CRPPA: variants seen among roughly 807,000 people sequenced by gnomAD.
CRPPA encodes D-ribitol-5-phosphate cytidylyltransferase.
CRPPA carries 43 observed loss-of-function variants against 52.0 expected under a neutral mutation model. That is an observed-to-expected ratio of 0.83 (90% CI 0.65 to 1.07). CRPPA has a LOEUF of 1.07. Ranked by LOEUF, CRPPA falls within the 50% of genes least tolerant of loss-of-function variation. The probability of loss-of-function intolerance (pLI) is 0.00; values close to 1 mark genes in which losing one functional copy is unlikely to be tolerated. For missense variants in CRPPA, 629 were observed against 551.7 expected (o/e 1.14, Z -1.40); for synonymous variants, 250 against 203.5 (o/e 1.23, Z -1.94).
intron 9 of CRPPA, among the ~76,000 whole-genome samples, chr7:16,151,198 G>A (rs1783070152): frequency 6.6e-6 from 1 of 152,246 alleles, no homozygotes; most frequent in South Asian, 2.1e-4. Context: ...ATGAGTCAAA[G>A]ATAATAAATC....
In CRPPA at chr7:16,095,631, G is replaced by A. The variant is rs568881817; in HGVS notation, c.1252-3832C>T. ...TGCATGTCTATAATCCTTGAAAGAA[G>A]AGCCTCCTAACATTCTCCCCAGCTG... On this transcript the variant is annotated intron_variant, in intron 9 of 9. Transcript: ENST00000407010. Among the ~76,000 whole-genome samples the A allele has an allele frequency of 7.2e-5, 11 of 152,224 alleles. No individual in the cohort carries two copies. The South Asian group carries it at 2.3e-3, about 32-fold the overall frequency.
chr7:16,190,427 G>T (rs1781584579), intron 9 of CRPPA, among the ~76,000 whole-genome samples: 1 of 152,146 alleles, frequency 6.6e-6, no homozygotes, highest in Non-Finnish European at 1.5e-5. Context: ...GTTACAAAAT[G>T]AAAAGAGTAA....
At chr7:16,173,738 T>C (rs1009502030) in intron 9 of CRPPA, among the ~76,000 whole-genome samples, 6 of 152,078 alleles carry the variant, frequency 3.9e-5, no homozygotes, top group African/African-American at 1.2e-4. Flanking sequence ...ACAGAAAAAA[T>C]GGTTACAAGC....
At chr7:16,321,893 A>C (rs943968181) in intron 3 of CRPPA, among the ~76,000 whole-genome samples, 3 of 152,162 alleles carry the variant, frequency 2.0e-5, no homozygotes, top group Non-Finnish European at 2.9e-5. Flanking sequence ...CCTGAGAAAG[A>C]TGGTGAGGCT....
chr7:16,184,408 T>C (rs1436198676), intron 9 of CRPPA, among the ~76,000 whole-genome samples: 1 of 152,236 alleles, frequency 6.6e-6, no homozygotes, highest in African/African-American at 2.4e-5. Context: ...ATTTATTTTG[T>C]AGAACAAATC....
intron 9 of CRPPA, among the ~76,000 whole-genome samples, chr7:16,195,201 C>T (rs571045714): frequency 3.9e-5 from 6 of 152,268 alleles, no homozygotes; most frequent in African/African-American, 1.4e-4. Flanking sequence ...AGCAGTGTTA[C>T]AGCTTTCTAG....
intron 1 of CRPPA, among the ~76,000 whole-genome samples, chr7:16,417,572 C>G (rs566188841): frequency 1.7e-4 from 26 of 152,050 alleles, no homozygotes; most frequent in African/African-American, 5.8e-4. Context: ...TCTCCTAAGA[C>G]GGAGCTAAAC....
chr7:16,294,309 C>T (rs2128421310), intron 5 of CRPPA, among the ~76,000 whole-genome samples: 1 of 151,880 alleles, frequency 6.6e-6, no homozygotes, highest in Middle Eastern at 3.4e-3. Context: ...TCTTATTTAA[C>T]TAGTTGCTTA....
At chr7:16,245,747 T>C (rs1018779180) in intron 8 of CRPPA, among the ~76,000 whole-genome samples, 6 of 152,188 alleles carry the variant, frequency 3.9e-5, no homozygotes, top group African/African-American at 1.4e-4. Context: ...CACAATGAAA[T>C]GAGTCACAAG....
intron 3 of CRPPA, among the ~76,000 whole-genome samples, chr7:16,339,089 G>C (rs946218462): frequency 4.6e-5 from 7 of 152,090 alleles, no homozygotes; most frequent in Admixed American, 6.5e-5. Context: ...ACAGGCGTGA[G>C]CCACCGTACC....
intron 3 of CRPPA, among the ~76,000 whole-genome samples, chr7:16,322,070 C>A (rs6973859): frequency 2.6e-5 from 4 of 151,882 alleles, no homozygotes; most frequent in African/African-American, 7.3e-5. Flanking sequence ...CTCCAAAATG[C>A]GAGATAATAC....
At chr7:16,257,289 A>T (rs1407839396) in intron 8 of CRPPA, among the ~76,000 whole-genome samples, 1 of 152,122 alleles carries the variant, frequency 6.6e-6, no homozygotes. Flanking sequence ...CTAAGCAAGT[A>T]AATGTGGAGA....
At chr7:16,109,190 A>G (rs1782211944) in intron 9 of CRPPA, among the ~76,000 whole-genome samples, 1 of 151,780 alleles carries the variant, frequency 6.6e-6, no homozygotes, top group Admixed American at 6.6e-5. Context: ...GAGTAAGAGA[A>G]AAGAGAAGAC....
chr7:16,322,246 G>A (rs775142500), intron 3 of CRPPA, among the ~76,000 whole-genome samples: 18 of 152,252 alleles, frequency 1.2e-4, no homozygotes, highest in African/African-American at 7.2e-5. Flanking sequence ...AAGGGAAACC[G>A]TTGTTATGTA....
In CRPPA at chr7:16,376,979, T is replaced by C. The variant is rs550058160; in HGVS notation, c.535-738A>G. The stretch of plus-strand genomic sequence containing the variant: ...GAAACCGCTTTAAAATATAGTTCAA[T>C]GGTGGGCAGTTAACCAAACCTTATA... On this transcript the variant is annotated intron_variant, in intron 2 of 9. Transcript: ENST00000407010. 1.5e-3 allele frequency among the ~76,000 whole-genome samples: 229 copies of C among 152,290 alleles called. 1 individual carries two copies. Among genetic ancestry groups the C allele is most frequent in the African/African-American group, 5.4e-3 (224 of 41,556 alleles).
intron 9 of CRPPA, among the ~76,000 whole-genome samples, chr7:16,188,667 G>A (rs1448394706): frequency 6.6e-6 from 1 of 152,084 alleles, no homozygotes; most frequent in African/African-American, 2.4e-5. Flanking sequence ...ACCTAGAGAA[G>A]TCAGTTCATT....
At chr7:16,309,157 C>A (rs890539704) in intron 3 of CRPPA, among the ~76,000 whole-genome samples, 2 of 151,740 alleles carry the variant, frequency 1.3e-5, no homozygotes. Context: ...TTTCATTGTG[C>A]GAAAAACTGT....
chr7:16,238,123 T>A (rs1399937272), intron 8 of CRPPA, among the ~76,000 whole-genome samples: 1 of 152,168 alleles, frequency 6.6e-6, no homozygotes, highest in African/African-American at 2.4e-5. Flanking sequence ...TGAATCCTTA[T>A]TTTAGAAAAA....
At chr7:16,341,351 G>C (rs1191962660) in intron 3 of CRPPA, among the ~76,000 whole-genome samples, 1 of 151,818 alleles carries the variant, frequency 6.6e-6, no homozygotes, top group Non-Finnish European at 1.5e-5. Flanking sequence ...TGCACACCTA[G>C]AGGGAAAGGG....
Sources: gnomAD v4.1 joint callset for allele counts (sites outside exome capture counted in the v4.1 genomes callset) on GRCh38, gnomAD v4.1.1 for gene constraint, MANE v1.5 for transcripts, NCBI Gene and HGNC (gene_info 2026-07-23, HGNC 2026-07-21) for gene names.